The following CSNK1G1 variants were observed in gnomAD, a reference collection of about 807,000 sequenced individuals.
The protein encoded by CSNK1G1 is casein kinase 1 gamma 1.
In CSNK1G1, 22 loss-of-function variants were observed where a neutral mutation model predicts 59.6. The observed-to-expected ratio is 0.37, with a 90% CI of 0.26 to 0.53. The LOEUF (loss-of-function observed/expected upper bound fraction) is 0.53, where lower values mean the gene tolerates loss of function less well. Ranked by LOEUF, CSNK1G1 falls within the 20% of genes least tolerant of loss-of-function variation. The probability of loss-of-function intolerance (pLI) is 0.89; values close to 1 mark genes in which losing one functional copy is unlikely to be tolerated. For synonymous variants in CSNK1G1, 179 were observed against 177.1 expected (o/e 1.01, Z -0.08); for missense variants, 384 against 519.5 (o/e 0.74, Z 2.54).
chr15:64,303,131 G>C lies in CSNK1G1; in HGVS notation c.-224-2408C>G, dbSNP rs1254056274. Among the ~76,000 whole-genome samples, 6 of 151,760 alleles carry C rather than the reference G, an allele frequency of 4.0e-5. No homozygotes were observed. In the East Asian group the frequency reaches 1.2e-3, roughly 29 times the overall value. ...ATAGTCTCCAGTTACTTGGGAGGCTGAGATGGGAGTACTGCTCAAGCCCAT... is the reference window on the plus strand; with the variant it reads ...ATAGTCTCCAGTTACTTGGGAGGCTCAGATGGGAGTACTGCTCAAGCCCAT... On this transcript the variant is annotated intron_variant, in intron 1 of 11. Coordinates refer to ENST00000303052, the MANE Select transcript of CSNK1G1 (RefSeq NM_022048.5).
At chr15:64,319,160 T>TA (rs1267632072) in intron 1 of CSNK1G1, among the ~76,000 whole-genome samples, 3 of 152,240 alleles carry the variant, frequency 2.0e-5, no homozygotes, top group African/African-American at 7.2e-5. Flanking sequence ...GACCTAAACT[T>TA]ACATTTATAA....
rs2081651245 is a variant in CSNK1G1 at position 64,170,465 on chromosome 15, A to G, written c.*1466T>C. 1 of 152,620 alleles carries G rather than the reference A, an allele frequency of 6.6e-6. No homozygotes were observed. The highest frequency in any genetic ancestry group is 6.5e-5 in the Admixed American group (1 of 15,276). The allele number at this position is 152,620 out of a possible 1,614,324, so 9.5% of individuals were successfully genotyped here. On this transcript the variant is annotated 3_prime_UTR_variant, in exon 12 of 12. Transcript: ENST00000303052. ...AATGCGGCCCCATATACTGCATCCT[A>G]AGCCTACTGCTATGGACCTGCTGGG...
chr15:64,237,741 T>C (rs1004498996), intron 4 of CSNK1G1, among the ~76,000 whole-genome samples: 10 of 152,232 alleles, frequency 6.6e-5, no homozygotes, highest in Non-Finnish European at 1.3e-4. Flanking sequence ...AATTGCTCTA[T>C]TGAAACAGAA....
At chr15:64,203,487 C>G (rs2082135822) in intron 9 of CSNK1G1, among the ~76,000 whole-genome samples, 1 of 151,930 alleles carries the variant, frequency 6.6e-6, no homozygotes, top group African/African-American at 2.4e-5. Flanking sequence ...CACCTGAGGT[C>G]AGGAGTTCGA....
intron 1 of CSNK1G1, among the ~76,000 whole-genome samples, chr15:64,321,684 T>C (rs1229610424): frequency 6.6e-6 from 1 of 152,246 alleles, no homozygotes; most frequent in Admixed American, 6.5e-5. Context: ...GCTTCTGATA[T>C]TGTACTCAAT....
intron 1 of CSNK1G1, among the ~76,000 whole-genome samples, chr15:64,333,240 AGAGT>A (rs919365412): frequency 3.1e-5 from 4 of 127,770 alleles, no homozygotes; most frequent in African/African-American, 1.1e-4. Context: ...CTGAGCAACA[AGAGT>A]GAGACTCCAT....
At chr15:64,203,282 T>C (rs929482455) in intron 9 of CSNK1G1, 93 bp from the exon 10 acceptor site, 8 of 827,814 alleles carry the variant, frequency 9.7e-6, no homozygotes, top group Admixed American at 8.1e-5. Flanking sequence ...AATAGAGTAG[T>C]AGTAATTATT....
At chr15:64,208,914 G>A (rs1036032332) in intron 6 of CSNK1G1, among the ~76,000 whole-genome samples, 2 of 149,872 alleles carry the variant, frequency 1.3e-5, no homozygotes, top group Admixed American at 1.3e-4. Context: ...TTGAGACAAG[G>A]TCTCGCTCTG....
intron 10 of CSNK1G1, chr15:64,182,053 G>GTTGTTTTTTT (rs2081822226): frequency 1.2e-5 from 1 of 83,238 alleles, no homozygotes; most frequent in African/African-American, 5.5e-5. Context: ...TTAGTAACCC[G>GTTGTTTTTTT]TTTTTTTTTT....
intron 10 of CSNK1G1, among the ~76,000 whole-genome samples, chr15:64,202,880 A>T (rs2082125901): frequency 6.6e-6 from 1 of 152,176 alleles, no homozygotes; most frequent in South Asian, 2.1e-4. Context: ...TGGATGCTTC[A>T]TATAGGGCAC....
intron 10 of CSNK1G1, among the ~76,000 whole-genome samples, chr15:64,196,429 G>C (rs1436004738): frequency 1.3e-5 from 2 of 150,868 alleles, no homozygotes. Flanking sequence ...TGTTGTGATG[G>C]AAAAGAACTA....
intron 1 of CSNK1G1, among the ~76,000 whole-genome samples, chr15:64,331,166 G>GA (rs1277360630): frequency 6.9e-6 from 1 of 145,118 alleles, no homozygotes; most frequent in Non-Finnish European, 1.5e-5. Flanking sequence ...CACAGAATTG[G>GA]AAAAAACTAC....
intron 10 of CSNK1G1, among the ~76,000 whole-genome samples, chr15:64,199,853 AAAAT>A (rs903126834): frequency 2.6e-5 from 4 of 152,164 alleles, no homozygotes; most frequent in Admixed American, 2.0e-4. Flanking sequence ...ACTCCATCTC[AAAAT>A]AAATAAATAA....
rs189214397 is a variant in CSNK1G1, at chr15:64,260,495, T to C, written c.182-1254A>G. ...TGGGTGTGGTGTAATCCCAACACTTTGGGAGGCTGAGGCAGGTGGATCACT... is the reference window on the plus strand; with the variant it reads ...TGGGTGTGGTGTAATCCCAACACTTCGGGAGGCTGAGGCAGGTGGATCACT... On this transcript the variant is annotated intron_variant, in intron 2 of 11. Transcript: ENST00000303052. Among the ~76,000 whole-genome samples the C allele has an allele frequency of 3.5e-3, 526 of 152,256 alleles. 3 individuals carry two copies. Among genetic ancestry groups the C allele is most frequent in the African/African-American group, 0.012 (497 of 41,534 alleles).
chr15:64,343,669 T>C (rs1360830808), intron 1 of CSNK1G1, among the ~76,000 whole-genome samples: 2 of 152,084 alleles, frequency 1.3e-5, no homozygotes, highest in African/African-American at 2.4e-5. Flanking sequence ...TCATTACATA[T>C]CTGTGTTATT....
chr15:64,328,963 A>T (rs1896985010), intron 1 of CSNK1G1, among the ~76,000 whole-genome samples: 1 of 145,710 alleles, frequency 6.9e-6, no homozygotes, highest in African/African-American at 2.6e-5. Context: ...GAATTCAACA[A>T]GAGGAGCTAA....
chr15:64,322,746 T>C (rs1045813774), intron 1 of CSNK1G1, among the ~76,000 whole-genome samples: 2 of 152,116 alleles, frequency 1.3e-5, no homozygotes, highest in Admixed American at 6.5e-5. Flanking sequence ...AGTGGGATGA[T>C]CACTTAAGTC....
chr15:64,178,029 G>T (rs1489701692), intron 11 of CSNK1G1, among the ~76,000 whole-genome samples: 1 of 152,152 alleles, frequency 6.6e-6, no homozygotes, highest in Non-Finnish European at 1.5e-5. Context: ...CTACATGTTA[G>T]AATGACCTGA....
rs181515099 is a variant in CSNK1G1, at chr15:64,336,686, T to C, written c.-225+19302A>G. Among the ~76,000 whole-genome samples, 226 of 152,244 alleles carry C rather than the reference T, an allele frequency of 1.5e-3. 1 individual carries two copies. Among genetic ancestry groups the C allele is most frequent in the African/African-American group, 5.3e-3 (220 of 41,546 alleles). ...GATATAACAAACTAGAAAGCATCTA[T>C]AACCAAGGAAAATATAACTTTCATT... On this transcript the variant is annotated intron_variant, in intron 1 of 11. Coordinates refer to ENST00000303052, the MANE Select transcript of CSNK1G1 (RefSeq NM_022048.5).
Sources: allele counts gnomAD v4.1 joint callset (sites outside exome capture counted in the v4.1 genomes callset), GRCh38; gene constraint gnomAD v4.1.1; transcripts MANE v1.5; gene names NCBI Gene and HGNC (gene_info 2026-07-23, HGNC 2026-07-21).